Variants in ST8SIA1 observed in about 807,000 individuals in gnomAD.
ST8SIA1 encodes the protein ST8 alpha-N-acetyl-neuraminide alpha-2,8-sialyltransferase 1, also known as alpha-N-acetylneuraminide alpha-2,8-sialyltransferase.
Under a neutral mutation model 35.9 loss-of-function variants are expected in ST8SIA1, and 16 were observed. That is an observed-to-expected ratio of 0.45 (90% CI 0.30 to 0.68). The LOEUF is 0.68. Among genes scored for constraint, ST8SIA1 ranks in the 30% least tolerant of loss-of-function variants. The probability of loss-of-function intolerance (pLI) is 0.09; values close to 1 mark genes in which losing one functional copy is unlikely to be tolerated. For synonymous variants in ST8SIA1, 170 were observed against 169.6 expected (o/e 1.00, Z -0.02); for missense variants, 383 against 453.6 (o/e 0.84, Z 1.41).
chr12:22,319,455 C>T (rs1213802152), intron 1 of ST8SIA1, among the ~76,000 whole-genome samples: 2 of 152,196 alleles, frequency 1.3e-5, no homozygotes, highest in African/African-American at 2.4e-5. Context: ...ACACCTGATA[C>T]ACGAGGAGCA....
chr12:22,221,666 T>C (rs1865301891), intron 4 of ST8SIA1, among the ~76,000 whole-genome samples: 1 of 152,148 alleles, frequency 6.6e-6, no homozygotes, highest in Non-Finnish European at 1.5e-5. Flanking sequence ...AGAGGCTAAG[T>C]AAAAGCAGAG....
At chr12:22,267,033 A>C (rs1379847395) in intron 2 of ST8SIA1, among the ~76,000 whole-genome samples, 1 of 152,198 alleles carries the variant, frequency 6.6e-6, no homozygotes, top group African/African-American at 2.4e-5. Flanking sequence ...GAAATGAAGA[A>C]CTACAAATAC....
Position 22,334,541 on chromosome 12 carries a change from G to A in ST8SIA1, c.-309C>T, listed in dbSNP as rs573107526. 3.0e-4 allele frequency: 129 copies of A among 435,096 alleles called. 1 individual carries two copies. In the South Asian group the frequency reaches 3.2e-3, roughly 11 times the overall value. 27.0% of individuals were successfully genotyped at this position (435,096 alleles called of 1,614,324 possible). ...CTCCGAGTGCGCAGAGAGCGGCGGC[G>A]GCGAGTCGCTCCCGCCGGTTCTGCA... On this transcript the variant is annotated 5_prime_UTR_variant, in exon 1 of 5. Coordinates refer to ENST00000396037, the MANE Select transcript of ST8SIA1 (RefSeq NM_003034.4).
intron 2 of ST8SIA1, among the ~76,000 whole-genome samples, chr12:22,286,158 G>A (rs1242228348): frequency 6.6e-6 from 1 of 152,146 alleles, no homozygotes; most frequent in African/African-American, 2.4e-5. Context: ...ATAAACTAAA[G>A]CTTCTACTTC....
At chr12:22,236,858 T>C (rs1273820086) in intron 4 of ST8SIA1, among the ~76,000 whole-genome samples, 1 of 152,208 alleles carries the variant, frequency 6.6e-6, no homozygotes. Flanking sequence ...TGTCAGGTCC[T>C]GTGTTCTTGG....
intron 1 of ST8SIA1, among the ~76,000 whole-genome samples, chr12:22,327,573 C>A (rs1866697957): frequency 6.6e-6 from 1 of 152,126 alleles, no homozygotes; most frequent in African/African-American, 2.4e-5. Context: ...TAACACCCTG[C>A]CTCACTGAGA....
chr12:22,217,264 A>G (rs1273092805), intron 4 of ST8SIA1, among the ~76,000 whole-genome samples: 1 of 152,164 alleles, frequency 6.6e-6, no homozygotes, highest in Non-Finnish European at 1.5e-5. Flanking sequence ...AAGTTTCTTT[A>G]TATGAAATTA....
In ST8SIA1 at chr12:22,201,525, G is replaced by C; in HGVS notation, c.*27C>G. 1 of 1,569,198 alleles carries C rather than the reference G, an allele frequency of 6.4e-7. No individual in the cohort carries two copies. The highest frequency in any genetic ancestry group is 8.6e-7 in the Non-Finnish European group (1 of 1,160,570). ...TAGAAAACCTAACAAAAATACCCTG[G>C]TTCAGTCCTTTCTTCTTCCATTGTT... On this transcript the variant is annotated 3_prime_UTR_variant, in exon 5 of 5. Coordinates refer to ENST00000396037, the MANE Select transcript of ST8SIA1 (RefSeq NM_003034.4).
chr12:22,269,331 T>C lies in ST8SIA1; in HGVS notation c.382-13942A>G, dbSNP rs190922486. Among the ~76,000 whole-genome samples, 158 of 152,260 alleles carry C rather than the reference T, an allele frequency of 1.0e-3. 1 individual carries two copies. The highest frequency in any genetic ancestry group is 3.3e-3 in the African/African-American group (136 of 41,584). The stretch of plus-strand genomic sequence containing the variant: ...GTCCAAAAGTTTCTAAAAGTCTCCC[T>C]TGCTTCTTTTCAAAATAACATTAAG... On this transcript the variant is annotated intron_variant, in intron 2 of 4. Coordinates refer to ENST00000396037, the MANE Select transcript of ST8SIA1 (RefSeq NM_003034.4).
At chr12:22,225,123 A>G (rs902679281) in intron 4 of ST8SIA1, among the ~76,000 whole-genome samples, 4 of 152,214 alleles carry the variant, frequency 2.6e-5, no homozygotes, top group Non-Finnish European at 4.4e-5. Flanking sequence ...AGAGCCCTGG[A>G]AACTTCACAG....
chr12:22,298,859 A>G (rs1275902800), intron 1 of ST8SIA1, among the ~76,000 whole-genome samples: 1 of 152,168 alleles, frequency 6.6e-6, no homozygotes, highest in Non-Finnish European at 1.5e-5. Context: ...GTATTGAGAG[A>G]CTTGAAAGCA....
intron 3 of ST8SIA1, among the ~76,000 whole-genome samples, chr12:22,254,710 C>T (rs2135795921): frequency 6.6e-6 from 1 of 152,276 alleles, no homozygotes; most frequent in East Asian, 1.9e-4. Context: ...CAGGGGCCTC[C>T]TGTTTTTCCT....
Position 22,199,926 on chromosome 12 carries a change from G to C in ST8SIA1, c.*1626C>G, listed in dbSNP as rs928900281. 6.6e-5 allele frequency: 10 copies of C among 152,138 alleles called. No homozygotes were observed. The highest frequency in any genetic ancestry group is 2.4e-4 in the African/African-American group (10 of 41,444). The allele number at this position is 152,138 out of a possible 1,614,324, so 9.4% of individuals were successfully genotyped here. On this transcript the variant is annotated 3_prime_UTR_variant, in exon 5 of 5. Transcript: ENST00000396037. The stretch of plus-strand genomic sequence containing the variant: ...ACATTTTAGCTTAAGACATTCCAAA[G>C]TATGAAGACAACGAGAGGCTTCCCT...
At chr12:22,299,078 G>A (rs568078006) in intron 1 of ST8SIA1, among the ~76,000 whole-genome samples, 38 of 152,154 alleles carry the variant, frequency 2.5e-4, no homozygotes, top group Admixed American at 4.6e-4. Context: ...AGAAGATAAT[G>A]AGGTAAATGT....
chr12:22,219,234 T>G (rs1396357596), intron 4 of ST8SIA1, among the ~76,000 whole-genome samples: 1 of 152,228 alleles, frequency 6.6e-6, no homozygotes, highest in Non-Finnish European at 1.5e-5. Context: ...ATACCACAAA[T>G]GTAAATTACA....
intron 4 of ST8SIA1, among the ~76,000 whole-genome samples, chr12:22,228,211 G>A (rs1028857444): frequency 6.6e-6 from 1 of 152,224 alleles, no homozygotes; most frequent in African/African-American, 2.4e-5. Flanking sequence ...ACAGCTTTGG[G>A]ATTTTCTGTG....
In ST8SIA1 at chr12:22,317,980, G is replaced by A. The variant is rs879900597; in HGVS notation, c.236+16017C>T. Among the ~76,000 whole-genome samples, 9 of 152,092 alleles carry A rather than the reference G, an allele frequency of 5.9e-5. No individual in the cohort carries two copies. In the East Asian group the frequency reaches 7.7e-4, roughly 13 times the overall value. On this transcript the variant is annotated intron_variant, in intron 1 of 4. Coordinates refer to ENST00000396037, the MANE Select transcript of ST8SIA1 (RefSeq NM_003034.4). ...AGTCTTAGTTTGTGCCTGTTGTCCCGGCATAATTATGGCATTTTATCTCAG... is the reference window on the plus strand; with the variant it reads ...AGTCTTAGTTTGTGCCTGTTGTCCCAGCATAATTATGGCATTTTATCTCAG...
intron 1 of ST8SIA1, among the ~76,000 whole-genome samples, chr12:22,321,003 GA>G (rs377218947): frequency 0.1 from 7,716 of 73,942 alleles, 515 homozygotes; most frequent in Non-Finnish European, 0.12. Flanking sequence ...AAGAAAGAAA[GA>G]AGAAAGAAAG....
At chr12:22,249,495 C>A (rs1020825418) in intron 3 of ST8SIA1, among the ~76,000 whole-genome samples, 5 of 152,202 alleles carry the variant, frequency 3.3e-5, no homozygotes, top group Admixed American at 2.0e-4. Flanking sequence ...ACTGGGATTA[C>A]AGGCGTGAGC....
Sources: gnomAD v4.1 joint callset for allele counts (sites outside exome capture counted in the v4.1 genomes callset) on GRCh38, gnomAD v4.1.1 for gene constraint, MANE v1.5 for transcripts, NCBI Gene and HGNC (gene_info 2026-07-23, HGNC 2026-07-21) for gene names.